Variants in TM2D3 observed in about 807,000 individuals in gnomAD.
TM2D3 encodes the protein TM2 domain-containing protein 3.
A neutral mutation model predicts 27.3 loss-of-function variants in TM2D3; 33 were observed. That is an observed-to-expected ratio of 1.21 (90% CI 0.92 to 1.61). The LOEUF (loss-of-function observed/expected upper bound fraction) is 1.61. Ranked by LOEUF, TM2D3 falls within the 40% of genes most tolerant of loss-of-function variation. The pLI is 0.00. For missense variants in TM2D3, 364 were observed against 320.8 expected (o/e 1.13, Z -1.03); for synonymous variants, 138 against 122.2 (o/e 1.13, Z -0.85).
Position 101,633,583 on chromosome 15 carries a change from T to C in TM2D3, c.*94A>G, listed in dbSNP as rs921782410. ...TTTCTTCTTCAAGGACTGCTGTGGT[T>C]AGGGACGCTCATCTGCAACAACACA... On this transcript the variant is annotated 3_prime_UTR_variant, in exon 5 of 5. Transcript: ENST00000428002. The C allele has an allele frequency of 1.2e-5, 13 of 1,064,804 alleles. No homozygotes were observed. The African/African-American group carries it at 2.1e-4, about 17-fold the overall frequency. The allele number at this position is 1,064,804 out of a possible 1,614,324, so 66.0% of individuals were successfully genotyped here.
At chr15:101,640,470 G>A (rs1405935524), downstream of TM2D3, among the ~76,000 whole-genome samples, 1 of 152,180 alleles carries the variant, frequency 6.6e-6, no homozygotes. Context: ...CGCCGTTTAT[G>A]GTATTGTTAT....
chr15:101,637,487 G>T (rs1388366566), downstream of TM2D3, among the ~76,000 whole-genome samples: 1 of 152,186 alleles, frequency 6.6e-6, no homozygotes, highest in Non-Finnish European at 1.5e-5. Context: ...AAAATATTTT[G>T]ATTTATCTGT....
exon 5 of TM2D3, chr15:101,633,634 T>G: frequency 1.3e-6 from 2 of 1,498,986 alleles, no homozygotes; most frequent in Non-Finnish European, 1.8e-6. Flanking sequence ...TCTCATGCTC[T>G]TCTTCTCACG....
intron 3 of TM2D3, among the ~76,000 whole-genome samples, chr15:101,649,788 G>A (rs1896920331): frequency 1.3e-5 from 2 of 152,126 alleles, no homozygotes; most frequent in Non-Finnish European, 2.9e-5. Context: ...GACATCAACT[G>A]GCTTGACAGT....
At chr15:101,651,846 C>A in intron 1 of TM2D3, 73 bp from the exon 2 acceptor site, 1 of 1,507,152 alleles carries the variant, frequency 6.6e-7, no homozygotes. Context: ...GTGTGGTTAA[C>A]ACGGCGGGTC....
chr15:101,639,660 G>A (rs1424962784), downstream of TM2D3, among the ~76,000 whole-genome samples: 1 of 152,030 alleles, frequency 6.6e-6, no homozygotes, highest in East Asian at 1.9e-4. Flanking sequence ...TAAGATCTTT[G>A]AAAAAATCTT....
chr15:101,652,197 C>G, intron 1 of TM2D3, 74 bp downstream of exon 1: 1 of 1,374,880 alleles, frequency 7.3e-7, no homozygotes, highest in Non-Finnish European at 1.0e-6. Context: ...GCCCGTGGGC[C>G]CGGCCTCCTC....
At chr15:101,651,039 C>G (rs1436686910) in intron 2 of TM2D3, 1 of 152,464 alleles carries the variant, frequency 6.6e-6, no homozygotes, top group East Asian at 1.9e-4. Context: ...GTCAGAGCCT[C>G]CACCTAGCAA....
At chr15:101,646,386 G>T in intron 4 of TM2D3, 4 of 109,002 alleles carry the variant, frequency 3.7e-5, no homozygotes, top group Non-Finnish European at 9.6e-5. Flanking sequence ...GAGGAGGAAA[G>T]GCAACCAGGT....
chr15:101,649,006 C>T (rs1567313637), intron 3 of TM2D3, among the ~76,000 whole-genome samples: 1 of 152,082 alleles, frequency 6.6e-6, no homozygotes, highest in Admixed American at 6.5e-5. Flanking sequence ...GAGCATCTGA[C>T]CCTTATACTC....
intron 5 of TM2D3, 31 bp downstream of exon 5, chr15:101,645,056 G>T (rs373635268): frequency 5.0e-6 from 8 of 1,591,246 alleles, no homozygotes; most frequent in Non-Finnish European, 6.9e-6. Flanking sequence ...AATGCAAACG[G>T]CCTTTTACAC....
intron 1 of TM2D3, 80 bp from the exon 2 acceptor site, chr15:101,651,853 G>A: frequency 1.2e-5 from 18 of 1,449,146 alleles, no homozygotes; most frequent in Non-Finnish European, 1.7e-5. Flanking sequence ...TAACACGGCG[G>A]GTCTACACCA....
At chr15:101,633,308 AACAAC>A in exon 5 of TM2D3, 1 of 206,792 alleles carries the variant, frequency 4.8e-6, no homozygotes, top group Non-Finnish European at 9.6e-6. Context: ...GGAAGCTTAA[AACAAC>A]ACGTTGTGGA....
In TM2D3 at chr15:101,651,680, A is replaced by C. The variant is rs371931831; in HGVS notation, c.169+16T>G. ...GATAACTACATGTATTTACTAGAAT[A>C]GAAAACGTCTAGTACCTGCTGCCCT... On this transcript the variant is annotated intron_variant, in intron 2 of 5. Transcript: ENST00000333202. 6.8e-6 allele frequency: 11 copies of C among 1,611,720 alleles called. No homozygotes were observed. The highest frequency in any genetic ancestry group is 1.3e-5 in the African/African-American group (1 of 74,876).
At chr15:101,638,550 G>T (rs139505946), downstream of TM2D3, among the ~76,000 whole-genome samples, 1 of 152,040 alleles carries the variant, frequency 6.6e-6, no homozygotes, top group Non-Finnish European at 1.5e-5. Flanking sequence ...TGCCCGCCTC[G>T]GACTCTCAAA....
chr15:101,636,800 T>A (rs767439186), intron 4 of TM2D3: 1 of 299,010 alleles, frequency 3.3e-6, no homozygotes, highest in Non-Finnish European at 6.9e-6. Context: ...ATATGAAGGT[T>A]CCAATTTCTC....
In TM2D3 at chr15:101,636,149, T is replaced by C. The variant is rs559715979; in HGVS notation, c.501-2421A>G. On this transcript the variant is annotated intron_variant, in intron 4 of 4. Transcript: ENST00000428002. ...TTCCATTATATGAATGAACTACATT[T>C]TGTTTATGTATTATTCATCAGTGGG... is the stretch of plus-strand genomic sequence containing the variant. The C allele has an allele frequency of 3.9e-5, 6 of 152,342 alleles. No homozygotes were observed. In the East Asian group the frequency reaches 1.2e-3, roughly 29 times the overall value. 9.4% of individuals were successfully genotyped at this position (152,342 alleles called of 1,614,324 possible).
chr15:101,637,441 C>T (rs777909566), downstream of TM2D3, among the ~76,000 whole-genome samples: 1 of 152,086 alleles, frequency 6.6e-6, no homozygotes, highest in Non-Finnish European at 1.5e-5. Flanking sequence ...TATGCGGGGC[C>T]ATTTCAAGAT....
chr15:101,650,215 G>A (rs188662085), intron 2 of TM2D3, 54 bp from the exon 3 acceptor site: 13 of 1,549,832 alleles, frequency 8.4e-6, no homozygotes, highest in Non-Finnish European at 1.1e-5. Flanking sequence ...TCGAATAACA[G>A]AGAACAATCT....
Sources: allele counts gnomAD v4.1 joint callset (sites outside exome capture counted in the v4.1 genomes callset), GRCh38; gene constraint gnomAD v4.1.1; transcripts MANE v1.5; gene names NCBI Gene and HGNC (gene_info 2026-07-23, HGNC 2026-07-21).